The following NEDD9 variants were observed in gnomAD, a reference collection of about 807,000 sequenced individuals.
NEDD9 encodes the protein neural precursor cell expressed, developmentally down-regulated 9.
A neutral mutation model predicts 76.6 loss-of-function variants in NEDD9; 26 were observed. The observed-to-expected ratio is 0.34, with a 90% CI of 0.25 to 0.47. The LOEUF (loss-of-function observed/expected upper bound fraction) is 0.47, where lower values mean the gene tolerates loss of function less well. Among genes scored for constraint, NEDD9 ranks in the 20% least tolerant of loss-of-function variants. The pLI, the probability that NEDD9 is intolerant of heterozygous loss-of-function variation, is 1.00. For synonymous variants in NEDD9, 392 were observed against 414.2 expected, an observed-to-expected ratio of 0.95 and a Z score of 0.65; for missense variants, 937 against 1,058.5, an observed-to-expected ratio of 0.89 and a Z score of 1.59.
chr6:11,236,083 A>G (rs542277711), upstream of NEDD9, among the ~76,000 whole-genome samples: 3 of 152,352 alleles, frequency 2.0e-5, no homozygotes, highest in Non-Finnish European at 4.4e-5. This position sits in a 1 kb window ranked among gnomAD's most constrained non-coding sequence, Gnocchi z 5.5. Flanking sequence ...GGGAAACACA[A>G]ATTGTCTCAG....
intron 1 of NEDD9, among the ~76,000 whole-genome samples, chr6:11,375,501 C>A (rs940678907): frequency 3.3e-5 from 5 of 152,190 alleles, no homozygotes; most frequent in Non-Finnish European, 1.5e-5. Context: ...TCCTCCAAAT[C>A]TCACGCTGAA....
At chr6:11,207,530 T>C (rs1209070153) in intron 2 of NEDD9, 1 of 152,230 alleles carries the variant, frequency 6.6e-6, no homozygotes, top group African/African-American at 2.4e-5. Context: ...TGACCCATTT[T>C]GGAAGGTAGA....
chr6:11,337,885 A>G (rs766136403), intron 1 of NEDD9, among the ~76,000 whole-genome samples: 5 of 152,132 alleles, frequency 3.3e-5, no homozygotes, highest in African/African-American at 4.8e-5. Flanking sequence ...AAAAAATATT[A>G]AGGTTTTCAA....
chr6:11,337,490 G>A (rs948925187), intron 1 of NEDD9, among the ~76,000 whole-genome samples: 1 of 152,142 alleles, frequency 6.6e-6, no homozygotes, highest in African/African-American at 2.4e-5. Flanking sequence ...ATTATTATGT[G>A]ATGTTAGGAT....
At chr6:11,209,970 C>CTTTTTTTTTTTTTTTTTTT (rs752612102) in intron 2 of NEDD9, among the ~76,000 whole-genome samples, 4 of 131,120 alleles carry the variant, frequency 3.1e-5, no homozygotes, top group East Asian at 2.4e-4. Flanking sequence ...AATTCACTGT[C>CTTTTTTTTTTTTTTTTTTT]TTTTTTTTTT....
At chr6:11,221,922 C>G (rs1451401974) in intron 1 of NEDD9, among the ~76,000 whole-genome samples, 2 of 152,156 alleles carry the variant, frequency 1.3e-5, no homozygotes, top group African/African-American at 4.8e-5. Flanking sequence ...AGTGTTGGCA[C>G]TGGATCATAT....
chr6:11,282,878 TTCC>T (rs1332604556), intron 3 of NEDD9, among the ~76,000 whole-genome samples: 4 of 152,234 alleles, frequency 2.6e-5, no homozygotes, highest in African/African-American at 9.6e-5. Flanking sequence ...TCTTGTCACT[TTCC>T]TTCTGGAACT....
chr6:11,372,207 T>A (rs1762891387), intron 1 of NEDD9, among the ~76,000 whole-genome samples: 1 of 147,274 alleles, frequency 6.8e-6, no homozygotes, highest in Non-Finnish European at 1.5e-5. Flanking sequence ...ATGAGTTCAA[T>A]TATTTTAATT....
intron 1 of NEDD9, among the ~76,000 whole-genome samples, chr6:11,219,719 T>A (rs149011182): frequency 6.6e-6 from 1 of 152,360 alleles, no homozygotes; most frequent in African/African-American, 2.4e-5. Flanking sequence ...CTTTTGTGCA[T>A]ACTGACGAAA....
At chr6:11,239,664 C>T (rs1581978065) in intron 3 of NEDD9, among the ~76,000 whole-genome samples, 3 of 152,160 alleles carry the variant, frequency 2.0e-5, no homozygotes, top group Admixed American at 2.0e-4. Flanking sequence ...CTCATGAAGG[C>T]TACCCGACCT....
At chr6:11,327,870 G>A (rs1761962084) in intron 2 of NEDD9, among the ~76,000 whole-genome samples, 1 of 152,214 alleles carries the variant, frequency 6.6e-6, no homozygotes, top group African/African-American at 2.4e-5. Flanking sequence ...GAATTCTTAG[G>A]GTGTATTCAC....
chr6:11,214,195 C>T (rs1161893185), intron 1 of NEDD9: 2 of 518,604 alleles, frequency 3.9e-6, no homozygotes, highest in Non-Finnish European at 7.7e-6. Flanking sequence ...GTACAAATAG[C>T]ATTTATATTT....
chr6:11,231,988 C>G (rs1280087168), intron 1 of NEDD9, among the ~76,000 whole-genome samples: 1 of 152,120 alleles, frequency 6.6e-6, no homozygotes, highest in Non-Finnish European at 1.5e-5. Context: ...GCTGTGTAAT[C>G]TGGGCTTTTA....
At chr6:11,344,589 G>A (rs1467503235) in intron 1 of NEDD9, among the ~76,000 whole-genome samples, 2 of 152,110 alleles carry the variant, frequency 1.3e-5, no homozygotes, top group Non-Finnish European at 2.9e-5. Flanking sequence ...CACCTCCTTC[G>A]GGGCAAACTC....
chr6:11,225,360 CACTT>C (rs1384628453), intron 1 of NEDD9, among the ~76,000 whole-genome samples: 5 of 152,142 alleles, frequency 3.3e-5, no homozygotes, highest in African/African-American at 7.2e-5. Flanking sequence ...AGAAACATGA[CACTT>C]ACAAATCACT....
At chr6:11,296,874 G>T (rs1223346610) in intron 3 of NEDD9, among the ~76,000 whole-genome samples, 1 of 152,084 alleles carries the variant, frequency 6.6e-6, no homozygotes, top group Non-Finnish European at 1.5e-5. Context: ...GATTACAGGT[G>T]CACATCACCA....
intron 1 of NEDD9, among the ~76,000 whole-genome samples, chr6:11,225,435 A>G (rs2113778920): frequency 6.6e-6 from 1 of 152,348 alleles, no homozygotes; most frequent in South Asian, 2.1e-4. Flanking sequence ...AAGCACCAGA[A>G]GCACTAGTAG....
chr6:11,224,378 C>T (rs1287947221), intron 1 of NEDD9, among the ~76,000 whole-genome samples: 1 of 152,154 alleles, frequency 6.6e-6, no homozygotes, highest in Non-Finnish European at 1.5e-5. Context: ...TTCTGCTATT[C>T]CCTTCCTTGA....
chr6:11,358,404 C>A (rs1362930666), intron 1 of NEDD9, among the ~76,000 whole-genome samples: 2 of 152,168 alleles, frequency 1.3e-5, no homozygotes, highest in Admixed American at 6.5e-5. Context: ...GAAGGCTTGG[C>A]CATGTGTGCC....
Sources: gnomAD v4.1 joint callset for allele counts (sites outside exome capture counted in the v4.1 genomes callset) on GRCh38, gnomAD v4.1.1 for gene constraint, Gnocchi (gnomAD v3.1) non-coding constraint, MANE v1.5 for transcripts, NCBI Gene and HGNC (gene_info 2026-07-23, HGNC 2026-07-21) for gene names.